Variants in ZNF337 observed in about 807,000 individuals in gnomAD.
ZNF337 encodes zinc finger protein 337.
Under a neutral mutation model 12.1 loss-of-function variants are expected in ZNF337, and 8 were observed. That is an observed-to-expected ratio of 0.66 (90% CI 0.39 to 1.19). The LOEUF (loss-of-function observed/expected upper bound fraction) is 1.19, where lower values mean the gene tolerates loss of function less well. Ranked by LOEUF, ZNF337 falls within the 50% of genes most tolerant of loss-of-function variation. The pLI is 0.01. For missense variants in ZNF337, 882 were observed against 896.6 expected, an observed-to-expected ratio of 0.98 and a Z score of 0.21; for synonymous variants, 336 against 320.0, an observed-to-expected ratio of 1.05 and a Z score of -0.53.
Position 25,676,804 on chromosome 20 carries a change from G to A in ZNF337, c.484C>T (p.Pro162Ser), listed in dbSNP as rs774304988. The change falls in exon 5 of 5, where the codon CCT becomes TCT. Residue 162 changes from proline to serine, a missense_variant. Pro to Ser is a moderately conservative substitution (Grantham distance 74, BLOSUM62 -1). Coordinates refer to ENST00000252979, the MANE Select transcript of ZNF337 (RefSeq NM_015655.4). The part of the protein sequence containing the change: ...IESSQGQREN[P>S]TEIDKVLKGI... ...TTCAATACTTTGTCTATTTCTGTAG[G>A]ATTTTCCCTCTGGCCTTGACTAGAC... is the stretch of plus-strand genomic sequence containing the variant. 1.1e-5 allele frequency: 18 copies of A among 1,614,002 alleles called. No individual in the cohort carries two copies. In the Admixed American group the frequency reaches 2.8e-4, roughly 25 times the overall value.
Position 25,675,334 on chromosome 20 carries a change from C to G in ZNF337, c.1954G>C (p.Gly652Arg), listed in dbSNP as rs747708143. The change falls in exon 5 of 5, where the codon GGG (glycine) becomes CGG (arginine). Residue 652 changes from glycine to arginine, a missense_variant. By Grantham distance (125) the Gly-to-Arg change is moderately radical. Coordinates refer to ENST00000252979, the MANE Select transcript of ZNF337 (RefSeq NM_015655.4). ...NLLTHQRTHS[G>R]EKPFVCNVCG... ...ACATTACACACGAAGGGCTTCTCCC[C>G]TGAGTGTGTCCTCTGGTGTGTGAGG... The G allele has an allele frequency of 9.3e-6, 15 of 1,614,058 alleles. No individual in the cohort carries two copies. The highest frequency in any genetic ancestry group is 1.2e-5 in the Non-Finnish European group (14 of 1,180,016).
At chr20:25,678,610 A>C (rs796865580) in intron 4 of ZNF337, among the ~76,000 whole-genome samples, 3 of 152,242 alleles carry the variant, frequency 2.0e-5, no homozygotes, top group African/African-American at 7.2e-5. Context: ...TTCAAAATAT[A>C]ATACAAAGCT....
intron 4 of ZNF337, among the ~76,000 whole-genome samples, chr20:25,679,165 C>T (rs1119163): frequency 0.081 from 12,292 of 152,032 alleles, 726 homozygotes; most frequent in South Asian, 0.19. Flanking sequence ...CAAAAATAAA[C>T]TCAAAATAGA....
chr20:25,680,778 T>TC (rs1241958713), intron 4 of ZNF337: 1 of 152,214 alleles, frequency 6.6e-6, no homozygotes, highest in East Asian at 1.9e-4. Flanking sequence ...TCCACATACA[T>TC]CCCACCTTCT....
At chr20:25,689,405 C>A (rs143267749) in intron 1 of ZNF337, among the ~76,000 whole-genome samples, 1 of 152,288 alleles carries the variant, frequency 6.6e-6, no homozygotes, top group African/African-American at 2.4e-5. Context: ...AATATATCAT[C>A]CTTTTCATGT....
intron 4 of ZNF337, among the ~76,000 whole-genome samples, 168 bp downstream of exon 4, chr20:25,685,399 C>T (rs1372879854): frequency 6.6e-6 from 1 of 152,114 alleles, no homozygotes; most frequent in African/African-American, 2.4e-5. Context: ...CCAGGGACCT[C>T]AGGAGAACCT....
intron 1 of ZNF337, among the ~76,000 whole-genome samples, chr20:25,691,745 A>G (rs1196880175): frequency 6.6e-6 from 1 of 152,080 alleles, no homozygotes; most frequent in African/African-American, 2.4e-5. Flanking sequence ...GGCTCAGTTG[A>G]TTTTTCTGAA....
At chr20:25,678,865 C>T (rs994640700) in intron 4 of ZNF337, among the ~76,000 whole-genome samples, 12 of 152,092 alleles carry the variant, frequency 7.9e-5, no homozygotes, top group Non-Finnish European at 2.9e-5. Flanking sequence ...TCACTTAAGC[C>T]CAGGAGTTAG....
In ZNF337 at chr20:25,685,578, C is replaced by G. The variant is rs2065821622; in HGVS notation, c.239G>C (p.Gly80Ala). The G allele has an allele frequency of 6.2e-7, 1 of 1,614,014 alleles. No homozygotes were observed. Among genetic ancestry groups the G allele is most frequent in the African/African-American group, 1.3e-5 (1 of 74,938 alleles). Residue 80 changes from glycine to alanine, a missense_variant, in exon 4 of 5, where the codon GGC (glycine) becomes GCC (alanine). Physicochemically the swap from Gly to Ala is moderately conservative, Grantham distance 60. Coordinates refer to ENST00000252979, the MANE Select transcript of ZNF337 (RefSeq NM_015655.4). ...GTCTATCCCCTCACCTGCACAGGGGCCTGGCCGGCGTCTTCTCTCTTCTCC... is the reference window on the plus strand; with the variant it reads ...GTCTATCCCCTCACCTGCACAGGGGGCTGGCCGGCGTCTTCTCTCTTCTCC... ...PWGEERRRRP[G>A]PCAGIYAEHV...
Position 25,677,018 on chromosome 20 carries a change from G to A in ZNF337, c.270C>T (p.Val90=). 1 of 1,610,684 alleles carries A rather than the reference G, an allele frequency of 6.2e-7. No homozygotes were observed. Among genetic ancestry groups the A allele is most frequent in the Non-Finnish European group, 8.5e-7 (1 of 1,178,652 alleles). ...CAAGTCCAAGATTCTTGGGCCGCAG[G>A]ACATGTTCTGCATATATTCCTGGAG... is the stretch of plus-strand genomic sequence containing the variant. The part of the protein sequence containing the change: ...GPCAGIYAEH[V]LRPKNLGLAH... The change falls in exon 5 of 5, where the codon GTC becomes GTT. Residue 90 remains valine (V), a synonymous_variant. Transcript: ENST00000252979.
In ZNF337 at chr20:25,676,513, AGT is replaced by A; in HGVS notation, c.773_774del (p.His258LeufsTer18). 6.2e-7 allele frequency: 1 copy of A among 1,613,908 alleles called. No individual in the cohort carries two copies. ...TTGCACAGAAAAGGCTTCTCTCCTG[AGT>A]GTGTCCTCTGGTGTCTGAGGAGGTT... ...KANLLRHQRTHSGEKPFLCKV... is the reference protein window; with the variant it reads ...KANLLRHQRTXSGEKPFLCKV... On this transcript the variant is annotated frameshift_variant, in exon 5 of 5. Transcript: ENST00000252979. LOFTEE classifies it low-confidence loss of function (END_TRUNC).
At chr20:25,686,692 A>T in intron 1 of ZNF337, 1 of 536,114 alleles carries the variant, frequency 1.9e-6, no homozygotes, top group South Asian at 2.4e-5. Context: ...TTTGTTGCTT[A>T]CATCACTGAG....
intron 1 of ZNF337, among the ~76,000 whole-genome samples, chr20:25,694,598 C>T (rs1177637643): frequency 1.3e-5 from 2 of 152,144 alleles, no homozygotes; most frequent in Non-Finnish European, 2.9e-5. Flanking sequence ...ACTCCCACTC[C>T]AATAACCGAG....
intron 1 of ZNF337, among the ~76,000 whole-genome samples, chr20:25,689,116 A>G (rs552060207): frequency 1.4e-5 from 2 of 147,800 alleles, no homozygotes; most frequent in Admixed American, 6.7e-5. Context: ...CAGCCTGAGC[A>G]AGAGTGAGAC....
intron 1 of ZNF337, among the ~76,000 whole-genome samples, chr20:25,695,206 G>A (rs556843400): frequency 6.6e-6 from 1 of 152,316 alleles, no homozygotes; most frequent in African/African-American, 2.4e-5. Flanking sequence ...GGGAGGTGGA[G>A]GTTGCAGTGA....
At chr20:25,690,384 C>A (rs1406228261) in intron 1 of ZNF337, among the ~76,000 whole-genome samples, 2 of 152,236 alleles carry the variant, frequency 1.3e-5, no homozygotes, top group East Asian at 3.8e-4. Flanking sequence ...GGAAAAATCT[C>A]ATGGTGAACT....
chr20:25,676,207 A>ACTT lies in ZNF337; in HGVS notation c.1078_1080dup (p.Lys360dup). 6.2e-7 allele frequency: 1 copy of ACTT among 1,613,218 alleles called. No homozygotes were observed. The highest frequency in any genetic ancestry group is 1.7e-4 in the Middle Eastern group (1 of 6,052). On this transcript the variant is annotated inframe_insertion, in exon 5 of 5. Transcript: ENST00000252979. ...GTCCTCTGGTGTGTGATAAGGTGTG[A>ACTT]CTTATTGCTAAAGCCTCGGCCACAC...
At chr20:25,690,873 A>T (rs1456377513) in intron 1 of ZNF337, among the ~76,000 whole-genome samples, 1 of 152,214 alleles carries the variant, frequency 6.6e-6, no homozygotes, top group Non-Finnish European at 1.5e-5. Flanking sequence ...CCTGGAAAAG[A>T]GTCAGTCTGC....
In ZNF337 at chr20:25,676,053, C is replaced by G; in HGVS notation, c.1235G>C (p.Ser412Thr). The G allele has an allele frequency of 6.2e-7, 1 of 1,614,202 alleles. No individual in the cohort carries two copies. Among genetic ancestry groups the G allele is most frequent in the Non-Finnish European group, 8.5e-7 (1 of 1,180,036 alleles). Residue 412 changes from serine (S) to threonine (T), a missense_variant, in exon 5 of 5, where the codon AGC becomes ACC. Ser to Thr is a moderately conservative substitution (Grantham distance 58, BLOSUM62 1). Coordinates refer to ENST00000252979, the MANE Select transcript of ZNF337 (RefSeq NM_015655.4). Reference sequence around the variant, plus strand: ...GACAAGAGTTGACTTTTGGCTAAAGCTTCGCTCACAATCCTTGCACACAAA... The same window carrying G: ...GACAAGAGTTGACTTTTGGCTAAAGGTTCGCTCACAATCCTTGCACACAAA... ...KPFVCKDCER[S>T]FSQKSTLVYH...
Sources: gnomAD v4.1 joint callset for allele counts (sites outside exome capture counted in the v4.1 genomes callset) on GRCh38, gnomAD v4.1.1 for gene constraint, MANE v1.5 for transcripts, NCBI Gene and HGNC (gene_info 2026-07-23, HGNC 2026-07-21) for gene names.